The following MYO16 variants were observed in gnomAD, a reference collection of about 807,000 sequenced individuals.
MYO16 encodes the protein unconventional myosin-XVI.
Under a neutral mutation model 205.3 loss-of-function variants are expected in MYO16, and 94 were observed. That is an observed-to-expected ratio of 0.46 (90% CI 0.39 to 0.54). The LOEUF (loss-of-function observed/expected upper bound fraction) is 0.54. Among genes scored for constraint, MYO16 ranks in the 20% least tolerant of loss-of-function variants. The pLI, the probability that MYO16 is intolerant of heterozygous loss-of-function variation, is 0.00. For missense variants in MYO16, 2,315 were observed against 2,387.5 expected (o/e 0.97, Z 0.63); for synonymous variants, 988 against 954.0 (o/e 1.04, Z -0.66).
chr13:108,764,402 GAT>G lies in MYO16; in HGVS notation c.508-21229_508-21228del, dbSNP rs563349560. On this transcript the variant is annotated intron_variant, in intron 4 of 34. Coordinates refer to ENST00000457511, the MANE Select transcript of MYO16 (RefSeq NM_001198950.3). ...GAAAGGGCTGTATATCCTCAGAGCAGATATAGAGTGTTCATATTAGAAAAATA... is the reference window on the plus strand; with the variant it reads ...GAAAGGGCTGTATATCCTCAGAGCAGATAGAGTGTTCATATTAGAAAAATA... 1.2e-3 allele frequency among the ~76,000 whole-genome samples: 180 copies of G among 152,234 alleles called. 1 individual carries two copies. Among genetic ancestry groups the G allele is most frequent in the African/African-American group, 4.2e-3 (173 of 41,550 alleles).
intron 14 of MYO16, among the ~76,000 whole-genome samples, chr13:108,895,304 T>C (rs1880360897): frequency 6.6e-6 from 1 of 152,232 alleles, no homozygotes; most frequent in Admixed American, 6.5e-5. Context: ...ATTTTGTTAC[T>C]GTGCAACGTT....
chr13:108,622,985 G>A (rs1157485156), intron 1 of MYO16, among the ~76,000 whole-genome samples: 1 of 151,428 alleles, frequency 6.6e-6, no homozygotes, highest in African/African-American at 2.4e-5. Flanking sequence ...AAGAGTGAGA[G>A]AGAGAAAAGG....
chr13:108,661,825 G>C (rs528567058), intron 1 of MYO16, among the ~76,000 whole-genome samples: 1 of 152,112 alleles, frequency 6.6e-6, no homozygotes, highest in Non-Finnish European at 1.5e-5. Context: ...CATTGCTGAT[G>C]AACTAACGTG....
chr13:109,066,202 C>T (rs948906646), intron 27 of MYO16, among the ~76,000 whole-genome samples: 1 of 152,176 alleles, frequency 6.6e-6, no homozygotes, highest in Non-Finnish European at 1.5e-5. Flanking sequence ...GGCAGACCCT[C>T]GCTAGAGAAA....
intron 27 of MYO16, among the ~76,000 whole-genome samples, chr13:109,071,149 T>C (rs181249229): frequency 6.6e-6 from 1 of 152,142 alleles, no homozygotes; most frequent in South Asian, 2.1e-4. Flanking sequence ...CATATTTTTT[T>C]AAAAAACACG....
intron 14 of MYO16, among the ~76,000 whole-genome samples, chr13:108,894,846 T>C (rs552400740): frequency 6.4e-4 from 98 of 152,284 alleles, no homozygotes; most frequent in African/African-American, 2.1e-3. Context: ...GCTGTTTTGT[T>C]TCTAACCCCT....
At chr13:109,007,711 AAGATTAAGAAAT>A (rs1885446957) in intron 21 of MYO16, among the ~76,000 whole-genome samples, 1 of 108,746 alleles carries the variant, frequency 9.2e-6, no homozygotes, top group Non-Finnish European at 2.3e-5. Context: ...GTTTTTCTTT[AAGATTAAGAAAT>A]AACATATTTG....
intron 11 of MYO16, 127 bp downstream of exon 11, chr13:108,855,680 T>C (rs1878132742): frequency 1.7e-6 from 1 of 605,958 alleles, no homozygotes; most frequent in South Asian, 3.1e-5. Flanking sequence ...ATAGCTGAAG[T>C]TGAATTTCTT....
At chr13:108,719,277 G>C (rs1273346010) in intron 3 of MYO16, among the ~76,000 whole-genome samples, 1 of 152,106 alleles carries the variant, frequency 6.6e-6, no homozygotes, top group Admixed American at 6.6e-5. Context: ...AGAAACTAGA[G>C]TTTTGTAGCA....
intron 2 of MYO16, among the ~76,000 whole-genome samples, chr13:108,711,783 G>C (rs1484442984): frequency 6.6e-6 from 1 of 152,202 alleles, no homozygotes; most frequent in African/African-American, 2.4e-5. Flanking sequence ...TGAGGAATGA[G>C]TTTGAACCTG....
chr13:108,879,520 A>G (rs542607293), intron 12 of MYO16, among the ~76,000 whole-genome samples: 1 of 151,708 alleles, frequency 6.6e-6, no homozygotes, highest in East Asian at 1.9e-4. Context: ...CACTCCCCCA[A>G]CCCCAGACAG....
intron 4 of MYO16, among the ~76,000 whole-genome samples, chr13:108,772,178 G>T (rs1885986914): frequency 6.6e-6 from 1 of 150,486 alleles, no homozygotes; most frequent in Non-Finnish European, 1.5e-5. Flanking sequence ...GTGAGACCCA[G>T]TTTCTGCAAA....
intron 4 of MYO16, among the ~76,000 whole-genome samples, chr13:108,776,467 T>G (rs1594285154): frequency 6.6e-6 from 1 of 152,198 alleles, no homozygotes; most frequent in Non-Finnish European, 1.5e-5. Flanking sequence ...GAATGGCGGA[T>G]GGCGGCTCAA....
the MYO16 span, among the ~76,000 whole-genome samples, chr13:108,567,911 T>A: frequency 3.9e-5 from 6 of 152,174 alleles, no homozygotes; most frequent in Non-Finnish European, 7.4e-5. Context: ...TCGGTCTCTT[T>A]AGATTTCCTC....
chr13:109,154,593 A>C (rs1408993966), intron 32 of MYO16, among the ~76,000 whole-genome samples: 4 of 152,046 alleles, frequency 2.6e-5, no homozygotes, highest in African/African-American at 9.7e-5. Flanking sequence ...CCACTAGCTT[A>C]CCATCCAGGC....
chr13:108,920,440 T>C lies in MYO16; in HGVS notation c.1925+10290T>C, dbSNP rs1160758829. On this transcript the variant is annotated intron_variant, in intron 16 of 34. Coordinates refer to ENST00000457511, the MANE Select transcript of MYO16 (RefSeq NM_001198950.3). ...TTTCTTTCTTTCCTTCCCTGTCATC[T>C]CTTTCTGTCTCTGTCTCTCTTTCTT... is the stretch of plus-strand genomic sequence containing the variant. 2.6e-5 allele frequency among the ~76,000 whole-genome samples: 4 copies of C among 151,756 alleles called. No homozygotes were observed. The East Asian group carries it at 7.7e-4, about 29-fold the overall frequency.
At chr13:108,831,723 G>A (rs1876632978) in intron 9 of MYO16, among the ~76,000 whole-genome samples, 1 of 152,204 alleles carries the variant, frequency 6.6e-6, no homozygotes, top group Non-Finnish European at 1.5e-5. Flanking sequence ...ACCTTGGCCA[G>A]GCTGGTCTCG....
At chr13:109,083,450 G>C (rs1312300370) in intron 27 of MYO16, among the ~76,000 whole-genome samples, 2 of 141,116 alleles carry the variant, frequency 1.4e-5, no homozygotes, top group Admixed American at 7.2e-5. Context: ...CAAAAAGCAA[G>C]GGTTATTATG....
At position 109,129,918 on chromosome 13, in the gene MYO16, C is replaced by T. The variant is rs114870191; in HGVS notation, c.4051+2368C>T. On this transcript the variant is annotated intron_variant, in intron 31 of 34. Coordinates refer to ENST00000457511, the MANE Select transcript of MYO16 (RefSeq NM_001198950.3). Reference sequence around the variant, plus strand: ...GAGTAATGAGGGGACCACTTTGTCACATGTTATGAAGGGGGATCAAATAGG... The same window carrying T: ...GAGTAATGAGGGGACCACTTTGTCATATGTTATGAAGGGGGATCAAATAGG... 3.0e-3 allele frequency among the ~76,000 whole-genome samples: 455 copies of T among 150,084 alleles called. 2 individuals carry two copies. The highest frequency in any genetic ancestry group is 0.011 in the African/African-American group (442 of 40,726).
Sources: gnomAD v4.1 joint callset for allele counts (sites outside exome capture counted in the v4.1 genomes callset) on GRCh38, gnomAD v4.1.1 for gene constraint, MANE v1.5 for transcripts, NCBI Gene and HGNC (gene_info 2026-07-23, HGNC 2026-07-21) for gene names.